The following SEMA6A variants were observed in gnomAD, a reference collection of about 807,000 sequenced individuals.
The protein encoded by SEMA6A is semaphorin-6A.
A neutral mutation model predicts 96.8 loss-of-function variants in SEMA6A; 25 were observed. That is an observed-to-expected ratio of 0.26 (90% CI 0.19 to 0.36). The LOEUF is 0.36. SEMA6A is among the 10% of genes least tolerant of loss of function. SEMA6A has a pLI of 1.00. For synonymous variants in SEMA6A, 612 were observed against 518.0 expected (o/e 1.18, Z -2.46); for missense variants, 1,363 against 1,323.1 (o/e 1.03, Z -0.47).
At chr5:116,548,664 G>A (rs1760282835) in intron 1 of SEMA6A, among the ~76,000 whole-genome samples, 1 of 152,122 alleles carries the variant, frequency 6.6e-6, no homozygotes, top group African/African-American at 2.4e-5. Flanking sequence ...TTGAGGCCAA[G>A]GAACAACTGC....
intron 18 of SEMA6A, 123 bp downstream of exon 18, chr5:116,467,458 CTT>C (rs1755829903): frequency 1.1e-6 from 1 of 920,914 alleles, no homozygotes; most frequent in Non-Finnish European, 1.6e-6. Context: ...TTTCGAGAAA[CTT>C]TCAATCATAG....
intron 14 of SEMA6A, 42 bp from the exon 15 acceptor site, chr5:116,477,968 C>G (rs775810982): frequency 6.2e-7 from 1 of 1,613,902 alleles, no homozygotes; most frequent in East Asian, 2.2e-5. Context: ...GGACTGTTTC[C>G]TAGCCACCAT....
intron 1 of SEMA6A, among the ~76,000 whole-genome samples, chr5:116,528,656 A>T (rs1759333597): frequency 6.6e-6 from 1 of 152,210 alleles, no homozygotes; most frequent in African/African-American, 2.4e-5. Context: ...CCAAGCTTCC[A>T]AAATGCAAAC....
At chr5:116,494,235 C>T (rs1256741910) in intron 6 of SEMA6A, among the ~76,000 whole-genome samples, 1 of 152,186 alleles carries the variant, frequency 6.6e-6, no homozygotes, top group East Asian at 1.9e-4. Context: ...GCTCAATAGG[C>T]CATTTCTTAC....
chr5:116,487,672 C>CT (rs1390303770), intron 9 of SEMA6A, among the ~76,000 whole-genome samples: 3 of 152,076 alleles, frequency 2.0e-5, no homozygotes. Flanking sequence ...CGAGACCACC[C>CT]TGCCAACATG....
intron 1 of SEMA6A, among the ~76,000 whole-genome samples, chr5:116,533,956 A>G (rs548011959): frequency 9.9e-5 from 15 of 152,186 alleles, no homozygotes; most frequent in Non-Finnish European, 1.8e-4. Context: ...TTCTCTCCCA[A>G]TTCACTGATA....
At chr5:116,504,601 G>C (rs1183214924) in intron 2 of SEMA6A, among the ~76,000 whole-genome samples, 1 of 152,190 alleles carries the variant, frequency 6.6e-6, no homozygotes, top group Admixed American at 6.5e-5. Flanking sequence ...TGTAGTAGCT[G>C]AGACTTCATC....
rs72214884 is a variant in SEMA6A at position 116,536,866 on chromosome 5, T to TAAAAAAAAAAA, written c.-38-31895_-38-31885dup. On this transcript the variant is annotated intron_variant, in intron 1 of 18. Transcript: ENST00000343348. ...TTTATTCAGTCCCCGTGTGATTTCT[T>TAAAAAAAAAAA]AAAAAAAAAAAAAAAAAAAAAAAAA... 2.4e-3 allele frequency among the ~76,000 whole-genome samples: 169 copies of TAAAAAAAAAAA among 69,504 alleles called. 2 individuals carry two copies. Among genetic ancestry groups the TAAAAAAAAAAA allele is most frequent in the African/African-American group, 6.1e-3 (129 of 21,012 alleles). The allele number at this position is 69,504 out of a possible 152,430, so 45.6% of individuals were successfully genotyped here.
At chr5:116,538,008 C>G (rs923895124) in intron 1 of SEMA6A, among the ~76,000 whole-genome samples, 1 of 152,132 alleles carries the variant, frequency 6.6e-6, no homozygotes, top group African/African-American at 2.4e-5. Context: ...AACCTCGTCT[C>G]TACTAAAATA....
At chr5:116,503,763 C>G (rs1255920894) in intron 2 of SEMA6A, among the ~76,000 whole-genome samples, 2 of 152,102 alleles carry the variant, frequency 1.3e-5, no homozygotes, top group Admixed American at 6.5e-5. Flanking sequence ...GATCCGCCCA[C>G]CTCGGCCTCC....
At chr5:116,481,303 T>C (rs558203201) in intron 11 of SEMA6A, among the ~76,000 whole-genome samples, 1 of 152,164 alleles carries the variant, frequency 6.6e-6, no homozygotes, top group African/African-American at 2.4e-5. Context: ...GAACTCCCCT[T>C]CCTGCTAGAA....
At chr5:116,495,299 TGA>T in intron 6 of SEMA6A, 112 bp downstream of exon 6, 2 of 743,144 alleles carry the variant, frequency 2.7e-6, no homozygotes, top group Non-Finnish European at 4.8e-6. Flanking sequence ...GTTGAACAAG[TGA>T]GAGGAACTCA....
chr5:116,481,020 G>T (rs1334378842), intron 11 of SEMA6A, among the ~76,000 whole-genome samples: 2 of 152,138 alleles, frequency 1.3e-5, no homozygotes, highest in East Asian at 1.9e-4. Flanking sequence ...TGCCTGGGTG[G>T]TGCAGAAGAG....
chr5:116,499,793 A>G (rs1757785729), intron 3 of SEMA6A, among the ~76,000 whole-genome samples: 1 of 152,182 alleles, frequency 6.6e-6, no homozygotes, highest in African/African-American at 2.4e-5. Flanking sequence ...GTGAGGAGTT[A>G]GAATAAAACT....
intron 1 of SEMA6A, among the ~76,000 whole-genome samples, chr5:116,518,823 T>C (rs1758788725): frequency 6.6e-6 from 1 of 152,126 alleles, no homozygotes; most frequent in Non-Finnish European, 1.5e-5. Flanking sequence ...TTCTGAGCAA[T>C]GAGAAGGAAA....
chr5:116,489,561 G>T (rs1287522278), intron 7 of SEMA6A, among the ~76,000 whole-genome samples: 7 of 152,216 alleles, frequency 4.6e-5, no homozygotes, highest in African/African-American at 1.4e-4. Context: ...TTGACCTCAG[G>T]CTTGACAGTT....
At position 116,443,887 on chromosome 5, in the gene SEMA6A, A is replaced by G. The variant is rs984884306; in HGVS notation, c.*2726T>C. On this transcript the variant is annotated 3_prime_UTR_variant, in exon 19 of 19. Transcript: ENST00000343348. ...CTTAAATGCAGAAGACCAGCTCAATACATGTGGGTATTTTAGGGTTAACAC... is the reference window on the plus strand; with the variant it reads ...CTTAAATGCAGAAGACCAGCTCAATGCATGTGGGTATTTTAGGGTTAACAC... 1 of 152,722 alleles carries G rather than the reference A, an allele frequency of 6.5e-6. No individual in the cohort carries two copies. The highest frequency in any genetic ancestry group is 2.4e-5 in the African/African-American group (1 of 41,578). 9.5% of individuals were successfully genotyped at this position (152,722 alleles called of 1,614,324 possible).
intron 1 of SEMA6A, among the ~76,000 whole-genome samples, chr5:116,559,243 A>T (rs1316549790): frequency 6.6e-6 from 1 of 152,154 alleles, no homozygotes; most frequent in Non-Finnish European, 1.5e-5. Context: ...GCACAATAGG[A>T]CTAGTGAAAG....
rs993515909 is a variant in SEMA6A at position 116,459,738 on chromosome 5, C to G, written c.1894+7845G>C. On this transcript the variant is annotated intron_variant, in intron 18 of 18. Coordinates refer to ENST00000343348, the MANE Select transcript of SEMA6A (RefSeq NM_020796.5). ...GACTCCCTTAGTACTCTCCCTCCCC[C>G]TCTTTCCTTGACTTCCCTTACTGTC... 2.0e-5 allele frequency among the ~76,000 whole-genome samples: 3 copies of G among 152,160 alleles called. No individual in the cohort carries two copies. In the East Asian group the frequency reaches 5.8e-4, roughly 29 times the overall value.
Sources: allele counts gnomAD v4.1 joint callset (sites outside exome capture counted in the v4.1 genomes callset), GRCh38; gene constraint gnomAD v4.1.1; transcripts MANE v1.5; gene names NCBI Gene and HGNC (gene_info 2026-07-23, HGNC 2026-07-21).